TIMMDC1: variants seen among roughly 807,000 people sequenced by gnomAD.
The protein encoded by TIMMDC1 is translocase of inner mitochondrial membrane domain containing 1, also known as complex I assembly factor TIMMDC1, mitochondrial.
A neutral mutation model predicts 32.6 loss-of-function variants in TIMMDC1; 25 were observed. That is an observed-to-expected ratio of 0.77 (90% CI 0.56 to 1.07). The LOEUF (loss-of-function observed/expected upper bound fraction) is 1.07. Among genes scored for constraint, TIMMDC1 ranks in the 50% least tolerant of loss-of-function variants. TIMMDC1 has a pLI of 0.00. For missense variants in TIMMDC1, 329 were observed against 349.2 expected (o/e 0.94, Z 0.46); for synonymous variants, 130 against 127.6 (o/e 1.02, Z -0.13).
At chr3:119,499,405 C>A (rs1330355863) in intron 1 of TIMMDC1, among the ~76,000 whole-genome samples, 1 of 143,062 alleles carries the variant, frequency 7.0e-6, no homozygotes, top group East Asian at 2.1e-4. Flanking sequence ...AGCCCAAACT[C>A]GTATTTTTCT....
chr3:119,520,585 T>G (rs1253542924), intron 6 of TIMMDC1, among the ~76,000 whole-genome samples: 1 of 152,128 alleles, frequency 6.6e-6, no homozygotes, highest in East Asian at 1.9e-4. Context: ...AAGATTGAAC[T>G]GGTAATAAAA....
chr3:119,523,804 T>C lies in TIMMDC1; in HGVS notation c.*48T>C. On this transcript the variant is annotated 3_prime_UTR_variant, in exon 7 of 7. Coordinates refer to ENST00000494664, the MANE Select transcript of TIMMDC1 (RefSeq NM_016589.4). ...ACTGGAGAGCTGAAGGGAGCTGCCA[T>C]GTCCGATGAATGCCAACAGACAGGC... 1.3e-6 allele frequency: 2 copies of C among 1,489,844 alleles called. No individual in the cohort carries two copies. The highest frequency in any genetic ancestry group is 1.8e-6 in the Non-Finnish European group (2 of 1,117,964). The allele number at this position is 1,489,844 out of a possible 1,614,324, so 92.3% of individuals were successfully genotyped here. A position where few individuals can be genotyped will look rare whatever the true frequency, so the allele number is the denominator to read the frequency against.
At chr3:119,501,943 A>G (rs1172977904) in intron 2 of TIMMDC1, among the ~76,000 whole-genome samples, 1 of 152,228 alleles carries the variant, frequency 6.6e-6, no homozygotes, top group Non-Finnish European at 1.5e-5. Flanking sequence ...AACTGAAATT[A>G]AATTAGAAAC....
chr3:119,515,245 A>G (rs2081978388), intron 5 of TIMMDC1, among the ~76,000 whole-genome samples: 2 of 150,890 alleles, frequency 1.3e-5, no homozygotes, highest in African/African-American at 2.4e-5. Flanking sequence ...CTAAAAAAGA[A>G]TTTACTTCCT....
intron 6 of TIMMDC1, among the ~76,000 whole-genome samples, chr3:119,520,273 AAT>A (rs2082016936): frequency 6.6e-6 from 1 of 152,146 alleles, no homozygotes; most frequent in Admixed American, 6.5e-5. Flanking sequence ...AGCTAAGTGA[AAT>A]AGAGACTTAA....
At chr3:119,500,450 C>A in intron 1 of TIMMDC1, 1 of 396,540 alleles carries the variant, frequency 2.5e-6, no homozygotes, top group Non-Finnish European at 4.5e-6. Flanking sequence ...AAAAGCTCCC[C>A]TTGTGCCTTT....
chr3:119,516,806 G>A (rs1052447295), intron 5 of TIMMDC1, among the ~76,000 whole-genome samples: 1 of 152,148 alleles, frequency 6.6e-6, no homozygotes, highest in African/African-American at 2.4e-5. Flanking sequence ...CTGTCTCCTA[G>A]AGGAGCTGGT....
Position 119,498,549 on chromosome 3 carries a change from C to G in TIMMDC1, c.-185C>G, listed in dbSNP as rs1010342971. ...CCCGGTCGGGCGGGACTTCCTGTGT[C>G]GTATTTCCAAGGACTCCAAAGCGAG... On this transcript the variant is annotated 5_prime_UTR_variant, in exon 1 of 7. Coordinates refer to ENST00000494664, the MANE Select transcript of TIMMDC1 (RefSeq NM_016589.4). The G allele has an allele frequency of 1.7e-6, 1 of 591,422 alleles. No individual in the cohort carries two copies. The highest frequency in any genetic ancestry group is 3.2e-5 in the Admixed American group (1 of 30,948). The allele number at this position is 591,422 out of a possible 1,614,324, so 36.6% of individuals were successfully genotyped here.
intron 4 of TIMMDC1, among the ~76,000 whole-genome samples, chr3:119,508,506 T>C (rs2081932634): frequency 6.6e-6 from 1 of 152,252 alleles, no homozygotes; most frequent in Admixed American, 6.5e-5. Context: ...ACTCTAAACT[T>C]CTCACATGCC....
intron 1 of TIMMDC1, among the ~76,000 whole-genome samples, chr3:119,500,059 T>C (rs1220721676): frequency 1.3e-5 from 2 of 152,254 alleles, no homozygotes; most frequent in African/African-American, 4.8e-5. Flanking sequence ...CGTGTGCTAC[T>C]GTGCCCAGCC....
chr3:119,520,870 C>G (rs776878254), intron 6 of TIMMDC1, among the ~76,000 whole-genome samples: 13 of 151,974 alleles, frequency 8.6e-5, no homozygotes, highest in Non-Finnish European at 1.2e-4. Flanking sequence ...AAGAGTACAT[C>G]AAAAAGATTA....
intron 5 of TIMMDC1, among the ~76,000 whole-genome samples, chr3:119,516,743 C>T (rs948572239): frequency 2.6e-5 from 4 of 152,114 alleles, no homozygotes; most frequent in Admixed American, 1.3e-4. Context: ...GGTGGTCCCA[C>T]CCCCAAAAGC....
intron 4 of TIMMDC1, among the ~76,000 whole-genome samples, chr3:119,512,674 T>G (rs887063965): frequency 1.1e-4 from 16 of 152,326 alleles, no homozygotes; most frequent in Non-Finnish European, 2.1e-4. Context: ...TAAAGGTGAT[T>G]TTGATTCTTG....
At chr3:119,520,509 C>T (rs2082018823) in intron 6 of TIMMDC1, among the ~76,000 whole-genome samples, 2 of 151,996 alleles carry the variant, frequency 1.3e-5, no homozygotes, top group South Asian at 4.1e-4. Flanking sequence ...ATTCCTGAGC[C>T]CCTATAATCT....
chr3:119,508,641 T>C (rs891922933), intron 4 of TIMMDC1, among the ~76,000 whole-genome samples: 2 of 152,224 alleles, frequency 1.3e-5, no homozygotes, highest in African/African-American at 2.4e-5. Flanking sequence ...CAGGCCTACA[T>C]GAGGGAGCTC....
chr3:119,522,718 T>TA (rs1475369275), intron 6 of TIMMDC1, among the ~76,000 whole-genome samples: 1 of 152,042 alleles, frequency 6.6e-6, no homozygotes, highest in African/African-American at 2.4e-5. Flanking sequence ...GACAGATGGA[T>TA]AAAAACAACT....
At chr3:119,508,673 A>G (rs2107729965) in intron 4 of TIMMDC1, among the ~76,000 whole-genome samples, 1 of 152,324 alleles carries the variant, frequency 6.6e-6, no homozygotes, top group East Asian at 1.9e-4. Context: ...CCACCTTCTA[A>G]AACCACAAGC....
intron 1 of TIMMDC1, among the ~76,000 whole-genome samples, chr3:119,499,644 G>C (rs1207005143): frequency 2.0e-5 from 3 of 151,904 alleles, no homozygotes; most frequent in Non-Finnish European, 4.4e-5. Flanking sequence ...TGGAACTCCT[G>C]ACCTCACGTG....
chr3:119,506,710 G>A (rs2081921059), intron 4 of TIMMDC1, among the ~76,000 whole-genome samples: 1 of 151,768 alleles, frequency 6.6e-6, no homozygotes, highest in South Asian at 2.1e-4. Context: ...TTACATTTTT[G>A]AAATATGAAT....
Sources: gnomAD v4.1 joint callset for allele counts (sites outside exome capture counted in the v4.1 genomes callset) on GRCh38, gnomAD v4.1.1 for gene constraint, MANE v1.5 for transcripts, NCBI Gene and HGNC (gene_info 2026-07-23, HGNC 2026-07-21) for gene names.